Variants in PHACTR3 observed in about 807,000 individuals in gnomAD.
PHACTR3 encodes the protein phosphatase and actin regulator 3, also known as protein phosphatase 1, regulatory subunit 123.
Under a neutral mutation model 66.8 loss-of-function variants are expected in PHACTR3, and 16 were observed. The observed-to-expected ratio is 0.24, with a 90% CI of 0.16 to 0.36. The LOEUF (loss-of-function observed/expected upper bound fraction) is 0.36, where lower values mean the gene tolerates loss of function less well. Ranked by LOEUF, PHACTR3 falls within the 10% of genes least tolerant of loss-of-function variation. The pLI, the probability that PHACTR3 is intolerant of heterozygous loss-of-function variation, is 1.00. For synonymous variants in PHACTR3, 323 were observed against 292.1 expected (o/e 1.11, Z -1.08); for missense variants, 647 against 719.9 (o/e 0.90, Z 1.16).
rs187150449 is a variant in PHACTR3, at chr20:59,747,468, T to C, written c.281-290T>C. On this transcript the variant is annotated intron_variant, in intron 2 of 12. Coordinates refer to ENST00000371015, the MANE Select transcript of PHACTR3 (RefSeq NM_080672.5). Reference sequence around the variant, plus strand: ...GCAGGAATGGCTGGTGAGAGCTAGCTTAGAGAGGGGCGTTATATGTGCAGG... The same window carrying C: ...GCAGGAATGGCTGGTGAGAGCTAGCCTAGAGAGGGGCGTTATATGTGCAGG... Among the ~76,000 whole-genome samples, 79 of 152,324 alleles carry C rather than the reference T, an allele frequency of 5.2e-4. 1 individual carries two copies. Among genetic ancestry groups the C allele is most frequent in the African/African-American group, 1.8e-3 (74 of 41,560 alleles).
intron 3 of PHACTR3, among the ~76,000 whole-genome samples, chr20:59,749,055 A>C (rs1038009078): frequency 1.3e-5 from 2 of 152,094 alleles, no homozygotes; most frequent in African/African-American, 4.8e-5. Flanking sequence ...TGATAATAAA[A>C]CCTTACATGT....
At chr20:59,751,197 A>G (rs1444132163) in intron 3 of PHACTR3, among the ~76,000 whole-genome samples, 1 of 141,574 alleles carries the variant, frequency 7.1e-6, no homozygotes, top group Non-Finnish European at 1.5e-5. Flanking sequence ...GGGTTAAGGA[A>G]CCGGCTTCAG....
At chr20:59,604,233 C>G (rs2033575657), upstream of PHACTR3, among the ~76,000 whole-genome samples, 1 of 152,164 alleles carries the variant, frequency 6.6e-6, no homozygotes, top group South Asian at 2.1e-4. Flanking sequence ...GAGGAAGGAC[C>G]AGGGAAACCA....
chr20:59,722,181 A>G (rs373584505), intron 1 of PHACTR3, among the ~76,000 whole-genome samples: 4 of 152,092 alleles, frequency 2.6e-5, no homozygotes, highest in East Asian at 1.9e-4. Flanking sequence ...GCAGTGAGCC[A>G]AGAACATGCC....
At chr20:59,663,311 G>A (rs2035877456) in intron 1 of PHACTR3, among the ~76,000 whole-genome samples, 1 of 152,180 alleles carries the variant, frequency 6.6e-6, no homozygotes, top group African/African-American at 2.4e-5. Flanking sequence ...CTGCTACAGA[G>A]AGGGAGGCGG....
At chr20:59,765,805 A>G (rs1182321920) in intron 4 of PHACTR3, among the ~76,000 whole-genome samples, 2 of 152,158 alleles carry the variant, frequency 1.3e-5, no homozygotes, top group African/African-American at 4.8e-5. Context: ...TGATAGATGA[A>G]TGAACCCCAT....
At chr20:59,585,568 C>T (rs1169837623) in intron 1 of PHACTR3, among the ~76,000 whole-genome samples, 1 of 152,212 alleles carries the variant, frequency 6.6e-6, no homozygotes, top group Non-Finnish European at 1.5e-5. Flanking sequence ...GTTAATGATC[C>T]ATCTGCTCCA....
intron 1 of PHACTR3, among the ~76,000 whole-genome samples, chr20:59,622,356 T>G (rs1216500364): frequency 6.6e-6 from 1 of 152,130 alleles, no homozygotes; most frequent in African/African-American, 2.4e-5. Flanking sequence ...AAGGTCCTCC[T>G]CTATAAACTG....
In PHACTR3 at chr20:59,794,466, T is replaced by C. The variant is rs2041196265; in HGVS notation, c.1175-11575T>C. On this transcript the variant is annotated intron_variant, in intron 7 of 12. Coordinates refer to ENST00000371015, the MANE Select transcript of PHACTR3 (RefSeq NM_080672.5). ...GTTTGCTATTATTTTGTTGAGGATT[T>C]TTATATCTATGTTCATCAGGGATGC... 5.3e-5 allele frequency among the ~76,000 whole-genome samples: 8 copies of C among 152,342 alleles called. No homozygotes were observed. In the South Asian group the frequency reaches 1.7e-3, roughly 32 times the overall value.
chr20:59,750,104 C>T (rs772638043), intron 3 of PHACTR3, among the ~76,000 whole-genome samples: 3 of 152,084 alleles, frequency 2.0e-5, no homozygotes, highest in South Asian at 2.1e-4. Flanking sequence ...CTGTTCTGAA[C>T]GCACATCCAG....
chr20:59,599,401 T>C (rs1171454373), intron 1 of PHACTR3, among the ~76,000 whole-genome samples: 1 of 152,096 alleles, frequency 6.6e-6, no homozygotes, highest in African/African-American at 2.4e-5. Context: ...AGGAGAGCAG[T>C]TGGTAGCATA....
chr20:59,681,631 AGTTTAAT>A (rs1799808573), intron 1 of PHACTR3, among the ~76,000 whole-genome samples: 1 of 152,272 alleles, frequency 6.6e-6, no homozygotes, highest in Non-Finnish European at 1.5e-5. Flanking sequence ...AACAAGGAGA[AGTTTAAT>A]GTTCATAAGC....
At chr20:59,744,574 G>A (rs946138616) in intron 2 of PHACTR3, among the ~76,000 whole-genome samples, 53 of 152,328 alleles carry the variant, frequency 3.5e-4, no homozygotes, top group African/African-American at 1.2e-3. Flanking sequence ...TGGTGGAGAC[G>A]AAGGCCAGGT....
rs770139199 is a variant in PHACTR3 at position 59,767,355 on chromosome 20, G to A, written c.711G>A (p.Pro237=). ...CCAGCCCCCCACTGCTGCCCACTCCGCCACCCAAGGCAAGCTCCAAAACCA... is the reference window on the plus strand; with the variant it reads ...CCAGCCCCCCACTGCTGCCCACTCCACCACCCAAGGCAAGCTCCAAAACCA... The part of the protein sequence containing the change: ...QLPSPPLLPT[P]PPKASSKTTK... Residue 237 remains proline, a synonymous_variant, in exon 5 of 13, where the codon CCG becomes CCA. Transcript: ENST00000371015. The A allele has an allele frequency of 2.5e-5, 40 of 1,613,890 alleles. No individual in the cohort carries two copies. The highest frequency in any genetic ancestry group is 3.3e-4 in the Middle Eastern group (2 of 5,972).
chr20:59,730,221 G>A (rs894767930), intron 1 of PHACTR3, among the ~76,000 whole-genome samples: 18 of 152,158 alleles, frequency 1.2e-4, no homozygotes, highest in Non-Finnish European at 2.2e-4. Context: ...TGTGCTGAAG[G>A]CCATGGTGGA....
chr20:59,613,584 A>G (rs1023424084), intron 1 of PHACTR3, among the ~76,000 whole-genome samples: 1 of 152,210 alleles, frequency 6.6e-6, no homozygotes, highest in African/African-American at 2.4e-5. Context: ...TTGCTACTCT[A>G]ACAAGAGCAG....
intron 1 of PHACTR3, among the ~76,000 whole-genome samples, chr20:59,645,002 C>G (rs1393424487): frequency 6.6e-6 from 1 of 152,074 alleles, no homozygotes; most frequent in Non-Finnish European, 1.5e-5. Context: ...TTTTTCAGCC[C>G]TTGTCCCCCT....
chr20:59,672,544 C>A (rs2036229874), intron 1 of PHACTR3, among the ~76,000 whole-genome samples: 1 of 152,174 alleles, frequency 6.6e-6, no homozygotes, highest in Non-Finnish European at 1.5e-5. Flanking sequence ...TCCTCCTGAG[C>A]CTCAGTTTCC....
intron 1 of PHACTR3, among the ~76,000 whole-genome samples, chr20:59,654,919 G>T (rs576305540): frequency 8.7e-4 from 132 of 152,034 alleles, no homozygotes; most frequent in Admixed American, 4.7e-3. Context: ...GTATGTGTTG[G>T]TTTCTTTGTT....
Sources: gnomAD v4.1 joint callset for allele counts (sites outside exome capture counted in the v4.1 genomes callset) on GRCh38, gnomAD v4.1.1 for gene constraint, MANE v1.5 for transcripts, NCBI Gene and HGNC (gene_info 2026-07-23, HGNC 2026-07-21) for gene names.